The following NDUFV1 variants were observed in gnomAD, a reference collection of about 807,000 sequenced individuals.
NDUFV1 encodes the protein NADH:ubiquinone oxidoreductase core subunit V1.
In NDUFV1, 41 loss-of-function variants were observed where a neutral mutation model predicts 48.7. The ratio of observed to expected loss-of-function variants is 0.84; its 90% confidence interval spans 0.66 to 1.09. The LOEUF (loss-of-function observed/expected upper bound fraction) is 1.09, where lower values mean the gene tolerates loss of function less well. NDUFV1 is among the 50% of genes least tolerant of loss of function. The probability of loss-of-function intolerance (pLI) is 0.00; values close to 1 mark genes in which losing one functional copy is unlikely to be tolerated. For missense variants in NDUFV1, 580 were observed against 645.4 expected, an observed-to-expected ratio of 0.90 and a Z score of 1.10; for synonymous variants, 231 against 259.1, an observed-to-expected ratio of 0.89 and a Z score of 1.04.
At chr11:67,609,105 T>C (rs1854864016) in intron 3 of NDUFV1, among the ~76,000 whole-genome samples, 1 of 152,168 alleles carries the variant, frequency 6.6e-6, no homozygotes, top group East Asian at 1.9e-4. Flanking sequence ...ATAAAGCAAA[T>C]GATAAATGTC....
chr11:67,611,034 C>T lies in NDUFV1; in HGVS notation c.740C>T (p.Thr247Ile). The change falls in exon 6 of 10, where the codon ACA (threonine) becomes ATA (isoleucine). Residue 247 changes from threonine to isoleucine, a missense_variant. By Grantham distance (89) the Thr-to-Ile change is moderately conservative (BLOSUM62 -1). Transcript: ENST00000322776. This position sits in a 1 kb window ranked among gnomAD's most constrained non-coding sequence, Gnocchi z 4.2. ...CCCACAACTGTGGCCAACGTGGAGA[C>T]AGTGGCAGTGTCCCCCACAATCTGC... is the stretch of plus-strand genomic sequence containing the variant. Reference protein sequence around the residue: ...GCPTTVANVETVAVSPTICRR... With the variant: ...GCPTTVANVEIVAVSPTICRR... 1 of 1,614,254 alleles carries T rather than the reference C, an allele frequency of 6.2e-7. No individual in the cohort carries two copies.
intron 1 of NDUFV1, chr11:67,608,084 G>A (rs1362808328): frequency 4.7e-6 from 2 of 422,286 alleles, no homozygotes; most frequent in East Asian, 5.1e-5. Flanking sequence ...AAAATTACCC[G>A]GGCGTGGTGG....
At chr11:67,608,825 A>G in intron 3 of NDUFV1, 103 bp downstream of exon 3, 7 of 1,518,416 alleles carry the variant, frequency 4.6e-6, no homozygotes, top group South Asian at 4.5e-5. Flanking sequence ...CTTAGCATGA[A>G]TGAGGTGGGC....
intron 5 of NDUFV1, 33 bp from the exon 6 acceptor site, chr11:67,610,962 G>T: frequency 3.7e-6 from 6 of 1,611,060 alleles, no homozygotes; most frequent in Non-Finnish European, 5.1e-6. Flanking sequence ...CCACCCCCTA[G>T]CAGCCACCAG....
rs1450070970 is a variant in NDUFV1, at chr11:67,607,618, T to C, written c.72+542T>C. On this transcript the variant is annotated intron_variant, in intron 1 of 9. Transcript: ENST00000322776. Reference sequence around the variant, plus strand: ...ACACATTTCGCCTCTTCGGCCGAGGTAGGAATATAAAAGGCCCCTGGCCTA... The same window carrying C: ...ACACATTTCGCCTCTTCGGCCGAGGCAGGAATATAAAAGGCCCCTGGCCTA... 2.4e-5 allele frequency: 9 copies of C among 382,316 alleles called. No homozygotes were observed. The East Asian group carries it at 6.6e-4, about 28-fold the overall frequency. 23.7% of individuals were successfully genotyped at this position (382,316 alleles called of 1,614,324 possible). A position where few individuals can be genotyped will look rare whatever the true frequency, so the allele number is the denominator to read the frequency against.
At chr11:67,609,880 A>G in intron 4 of NDUFV1, 1 of 483,596 alleles carries the variant, frequency 2.1e-6, no homozygotes, top group Non-Finnish European at 3.7e-6. Context: ...TTTATAAAAC[A>G]AGTAGCAAGA....
intron 1 of NDUFV1, 27 bp downstream of exon 1, chr11:67,607,103 G>C: frequency 1.3e-6 from 2 of 1,595,420 alleles, no homozygotes; most frequent in Non-Finnish European, 1.7e-6. Flanking sequence ...CTGGGGCCAC[G>C]GGTGTTTGGG....
intron 4 of NDUFV1, chr11:67,609,883 T>A: frequency 2.1e-6 from 1 of 479,328 alleles, no homozygotes. Context: ...ATAAAACAAG[T>A]AGCAAGAAGA....
At position 67,610,430 on chromosome 11, in the gene NDUFV1, G is replaced by C. The variant is rs763620040; in HGVS notation, c.560G>C (p.Cys187Ser). The C allele has an allele frequency of 6.2e-7, 1 of 1,614,220 alleles. No individual in the cohort carries two copies. The highest frequency in any genetic ancestry group is 8.5e-7 in the Non-Finnish European group (1 of 1,180,040). ...GCAGGTCTGATTGGCAAGAATGCTT[G>C]TGGCTCTGGCTATGATTTTGACGTG... is the stretch of plus-strand genomic sequence containing the variant. ...YEAGLIGKNA[C>S]GSGYDFDVFV... The change falls in exon 5 of 10, where the codon TGT becomes TCT. Residue 187 changes from cysteine to serine, a missense_variant. Coordinates refer to ENST00000322776, the MANE Select transcript of NDUFV1 (RefSeq NM_007103.4).
At position 67,608,725 on chromosome 11, in the gene NDUFV1, G is replaced by A. The variant is rs201414938; in HGVS notation, c.326+3G>A. The stretch of plus-strand genomic sequence containing the variant: ...ATGAATAAGCCCTCAGATGGCAGGT[G>A]TGTGTGTGGGGGCGGGGCAGATGTG... On this transcript the variant is annotated splice_donor_region_variant and intron_variant, in intron 3 of 9. Transcript: ENST00000322776. 42 of 1,613,702 alleles carry A rather than the reference G, an allele frequency of 2.6e-5. No individual in the cohort carries two copies. In the African/African-American group the frequency reaches 4.7e-4, roughly 18 times the overall value.
At chr11:67,610,203 T>C (rs755771031) in intron 4 of NDUFV1, 178 bp from the exon 5 acceptor site, 2 of 650,600 alleles carry the variant, frequency 3.1e-6, no homozygotes, top group Non-Finnish European at 5.4e-6. Flanking sequence ...TTCTTGCTTA[T>C]CTGTTCCAGA....
Position 67,612,222 on chromosome 11 carries a change from ATAC to A in NDUFV1, c.1266_1268del (p.His422_Thr423delinsGln), listed in dbSNP as rs765438773. ...GAGATCAGCAAGCAGATAGAAGGCC[ATAC>A]GATTTGTGCTCTGGGTGACGGGGCC... On this transcript the variant is annotated inframe_deletion, in exon 9 of 10. Transcript: ENST00000322776. This position sits in a 1 kb window ranked among gnomAD's most constrained non-coding sequence, Gnocchi z 4.4. 1 of 1,613,774 alleles carries A rather than the reference ATAC, an allele frequency of 6.2e-7. No individual in the cohort carries two copies. Among genetic ancestry groups the A allele is most frequent in the African/African-American group, 1.3e-5 (1 of 74,948 alleles).
chr11:67,607,323 A>G, intron 1 of NDUFV1: 2 of 679,806 alleles, frequency 2.9e-6, no homozygotes, highest in Non-Finnish European at 5.4e-6. Context: ...GAAGTTTTGC[A>G]GGTTGTGAAG....
At position 67,611,047 on chromosome 11, in the gene NDUFV1, C is replaced by G; in HGVS notation, c.753C>G (p.Ser251=). 1 of 1,614,166 alleles carries G rather than the reference C, an allele frequency of 6.2e-7. No individual in the cohort carries two copies. The highest frequency in any genetic ancestry group is 1.3e-5 in the African/African-American group (1 of 75,054). Residue 251 remains serine, a synonymous_variant, in exon 6 of 10, where the codon TCC becomes TCG. Coordinates refer to ENST00000322776, the MANE Select transcript of NDUFV1 (RefSeq NM_007103.4). This position sits in a 1 kb window ranked among gnomAD's most constrained non-coding sequence, Gnocchi z 4.2. ...CCAACGTGGAGACAGTGGCAGTGTC[C>G]CCCACAATCTGCCGCCGTGGAGGTA... The part of the protein sequence containing the change: ...TVANVETVAV[S]PTICRRGGTW...
At position 67,607,033 on chromosome 11, in the gene NDUFV1, G is replaced by C. The variant is rs1353745774; in HGVS notation, c.29G>C (p.Trp10Ser). 6.2e-7 allele frequency: 1 copy of C among 1,609,534 alleles called. No homozygotes were observed. The highest frequency in any genetic ancestry group is 1.7e-5 in the Admixed American group (1 of 59,760). MLATRRLLG[W>S]SLPARVSVRF... ...CTGGCAACACGGCGGCTGCTCGGCT[G>C]GTCGCTTCCCGCGCGGGTATCTGTG... The change falls in exon 1 of 10, where the codon TGG becomes TCG. Residue 10 changes from tryptophan (W) to serine (S), a missense_variant. Trp to Ser is a radical substitution (Grantham distance 177). Coordinates refer to ENST00000322776, the MANE Select transcript of NDUFV1 (RefSeq NM_007103.4).
chr11:67,609,867 T>C (rs986165380), intron 4 of NDUFV1: 32 of 507,006 alleles, frequency 6.3e-5, no homozygotes, highest in Non-Finnish European at 1.1e-4. Context: ...AAATATAGTA[T>C]TTTTTATAAA....
Position 67,611,451 on chromosome 11 carries a change from G to A in NDUFV1, c.962G>A (p.Gly321Asp), listed in dbSNP as rs1359626813. 6.2e-7 allele frequency: 1 copy of A among 1,614,040 alleles called. No individual in the cohort carries two copies. The highest frequency in any genetic ancestry group is 1.3e-5 in the African/African-American group (1 of 74,910). ...WDNLLAVIPG[G>D]SSTPLIPKSV... ...AACCTCCTTGCTGTGATCCCTGGCG[G>A]CTCGTCTACCCCACTGATCCCCAAG... The change falls in exon 7 of 10, where the codon GGC becomes GAC. Residue 321 changes from glycine to aspartate, a missense_variant. Gly to Asp is a moderately conservative substitution (Grantham distance 94, BLOSUM62 -1). Transcript: ENST00000322776. The surrounding 1 kb of genome is among the most constrained non-coding windows in gnomAD (Gnocchi z 4.2).
chr11:67,608,762 G>C (rs1458940579), intron 3 of NDUFV1, 40 bp downstream of exon 3: 1 of 1,610,194 alleles, frequency 6.2e-7, no homozygotes, highest in Admixed American at 1.7e-5. Flanking sequence ...CTGTGGGAGA[G>C]ACCTTGGGGG....
intron 1 of NDUFV1, chr11:67,607,427 C>G (rs969014536): frequency 2.3e-5 from 12 of 514,146 alleles, no homozygotes; most frequent in Non-Finnish European, 4.5e-5. Context: ...GATTTCCCGT[C>G]CACTGCTCTG....
Sources: allele counts gnomAD v4.1 joint callset (sites outside exome capture counted in the v4.1 genomes callset), GRCh38; gene constraint gnomAD v4.1.1; non-coding constraint Gnocchi (gnomAD v3.1); transcripts MANE v1.5; gene names NCBI Gene and HGNC (gene_info 2026-07-23, HGNC 2026-07-21).